The following FAT1 variants were observed in gnomAD, a reference collection of about 807,000 sequenced individuals.
FAT1 encodes protocadherin Fat 1.
A neutral mutation model predicts 329.8 loss-of-function variants in FAT1; 171 were observed. The observed-to-expected ratio is 0.52, with a 90% confidence interval of 0.46 to 0.59. The LOEUF (loss-of-function observed/expected upper bound fraction) is 0.59, where lower values mean the gene tolerates loss of function less well. FAT1 is among the 20% of genes least tolerant of loss of function. The pLI is 0.00. For synonymous variants in FAT1, 2,233 were observed against 2,228.6 expected (o/e 1.00, Z -0.06); for missense variants, 5,672 against 5,774.4 (o/e 0.98, Z 0.57).
rs377340093 is a variant in FAT1, at chr4:186,614,208, T to C, written c.9212A>G (p.Lys3071Arg). The C allele has an allele frequency of 1.2e-5, 19 of 1,600,444 alleles. No individual in the cohort carries two copies. The African/African-American group carries it at 1.9e-4, about 16-fold the overall frequency. Residue 3071 changes from lysine to arginine, a missense_variant, in exon 12 of 27, where the codon AAA becomes AGA. Physicochemically the swap from Lys to Arg is conservative, Grantham distance 26. Around this residue, in one of 2 missense-constraint regions of FAT1, gnomAD observed 3,966 missense variants for 3,915.2 expected, o/e 1.01. Coordinates refer to ENST00000441802, the MANE Select transcript of FAT1 (RefSeq NM_005245.4). ...ATCATTACCTGTGTCTGGATTTAGT[T>C]TGAATTTTTCTGCACCTGAACCCAA... is the stretch of plus-strand genomic sequence containing the variant. ...TLLGSGAEKF[K>R]LNPDTGELKT...
In FAT1 at chr4:186,708,878, A is replaced by C. The variant is rs1561010997; in HGVS notation, c.950T>G (p.Val317Gly). ...CCAATCAATGCCACCGATGGCTTTG[A>C]CTTTATACTCCTTACTCCCTGGAAA... Reference protein sequence around the residue: ...RSFPGSKEYKVKAIGGIDWDS... With the variant: ...RSFPGSKEYKGKAIGGIDWDS... The change falls in exon 2 of 27, where the codon GTC (valine) becomes GGC (glycine). Residue 317 changes from valine to glycine, a missense_variant. Transcript: ENST00000441802. 1.2e-6 allele frequency: 2 copies of C among 1,613,870 alleles called. No individual in the cohort carries two copies. The highest frequency in any genetic ancestry group is 1.7e-6 in the Non-Finnish European group (2 of 1,179,866).
intron 9 of FAT1, among the ~76,000 whole-genome samples, chr4:186,623,879 T>C (rs983162084): frequency 3.3e-5 from 5 of 152,166 alleles, no homozygotes; most frequent in Admixed American, 6.5e-5. Context: ...CTCTATTATC[T>C]GGGGCATCAT....
At chr4:186,713,425 C>T (rs995896783) in intron 1 of FAT1, among the ~76,000 whole-genome samples, 4 of 152,024 alleles carry the variant, frequency 2.6e-5, no homozygotes, top group East Asian at 1.9e-4. Context: ...CCGTAGCAAG[C>T]GGGTAAAATC....
chr4:186,644,783 G>C (rs1741278490), intron 3 of FAT1, among the ~76,000 whole-genome samples: 1 of 152,180 alleles, frequency 6.6e-6, no homozygotes, highest in African/African-American at 2.4e-5. Context: ...GAAGCAGATA[G>C]ACGTAAAAGT....
Position 186,709,796 on chromosome 4 carries a change from A to G in FAT1, c.32T>C (p.Leu11Pro), listed in dbSNP as rs2126706784. Residue 11 changes from leucine to proline, a missense_variant, in exon 2 of 27, where the codon CTG becomes CCG. Physicochemically the swap from Leu to Pro is moderately conservative, Grantham distance 98. Transcript: ENST00000441802. ...TCCAAAATGTTGGAAGAGAAGGAGCAGAAGCAGGAGCAAAGCCAAATGTCT... is the reference window on the plus strand; with the variant it reads ...TCCAAAATGTTGGAAGAGAAGGAGCGGAAGCAGGAGCAAAGCCAAATGTCT... MGRHLALLLL[L>P]LLLFQHFGDS... The G allele has an allele frequency of 1.9e-6, 3 of 1,608,524 alleles. No individual in the cohort carries two copies. Among genetic ancestry groups the G allele is most frequent in the Non-Finnish European group, 2.5e-6 (3 of 1,176,816 alleles).
At chr4:186,703,197 A>G (rs1253672395) in intron 2 of FAT1, among the ~76,000 whole-genome samples, 1 of 152,166 alleles carries the variant, frequency 6.6e-6, no homozygotes, top group Non-Finnish European at 1.5e-5. Flanking sequence ...CCACTCTGCC[A>G]CTACGCTTTC....
At position 186,600,166 on chromosome 4, in the gene FAT1, G is replaced by A. The variant is rs2126412899; in HGVS notation, c.11835C>T (p.Asn3945=). 1 of 1,614,026 alleles carries A rather than the reference G, an allele frequency of 6.2e-7. No homozygotes were observed. Among genetic ancestry groups the A allele is most frequent in the African/African-American group, 1.3e-5 (1 of 75,060 alleles). ...GTAPGTLKTL[N]LDNYVFFGGH... Reference sequence around the variant, plus strand: ...CACCAAAAAACACATAGTTATCCAGGTTCAGGGTTTTCAGAGTCCCTGGGG... The same window carrying A: ...CACCAAAAAACACATAGTTATCCAGATTCAGGGTTTTCAGAGTCCCTGGGG... The change falls in exon 22 of 27, where the codon AAC becomes AAT. Residue 3945 remains asparagine (N), a synonymous_variant. Transcript: ENST00000441802.
intron 1 of FAT1, among the ~76,000 whole-genome samples, chr4:186,718,917 T>A (rs903255485): frequency 1.3e-5 from 2 of 152,106 alleles, no homozygotes; most frequent in African/African-American, 4.8e-5. Flanking sequence ...CTTTTCTCAG[T>A]GCTCATCCTC....
At chr4:186,725,939 G>A (rs955665279), upstream of FAT1, among the ~76,000 whole-genome samples, 8 of 152,180 alleles carry the variant, frequency 5.3e-5, no homozygotes, top group African/African-American at 1.9e-4. The surrounding 1 kb of genome is among the most constrained non-coding windows in gnomAD (Gnocchi z 5.4). Context: ...CGCCCACGTC[G>A]CCGAGCGCCG....
At chr4:186,598,601 C>A (rs1738646875) in intron 22 of FAT1, 1 of 152,558 alleles carries the variant, frequency 6.6e-6, no homozygotes, top group African/African-American at 2.4e-5. Context: ...GCAATCTCAG[C>A]TCATTGCATC....
chr4:186,647,637 T>C (rs747409319), intron 3 of FAT1, among the ~76,000 whole-genome samples: 1 of 152,176 alleles, frequency 6.6e-6, no homozygotes, highest in Non-Finnish European at 1.5e-5. Context: ...GTATTAATCA[T>C]AGCATTATTC....
At chr4:186,698,560 T>C (rs1321402473) in intron 2 of FAT1, among the ~76,000 whole-genome samples, 3 of 152,306 alleles carry the variant, frequency 2.0e-5, no homozygotes, top group Non-Finnish European at 1.5e-5. Flanking sequence ...AAGAAAGCTT[T>C]ATTAAGTAGA....
At chr4:186,657,360 G>A (rs1224313700) in intron 3 of FAT1, among the ~76,000 whole-genome samples, 2 of 152,164 alleles carry the variant, frequency 1.3e-5, no homozygotes, top group Admixed American at 6.5e-5. Flanking sequence ...AAATAAACAT[G>A]CGAAGTATAA....
rs757409111 is a variant in FAT1 at position 186,611,631 on chromosome 4, T to C, written c.9608A>G (p.Asp3203Gly). Residue 3203 changes from aspartate (D) to glycine (G), a missense_variant, in exon 14 of 27, where the codon GAT (aspartate) becomes GGT (glycine). Asp to Gly is a moderately conservative substitution (Grantham distance 94). Around this residue, in one of 2 missense-constraint regions of FAT1, gnomAD observed 1,706 missense variants for 1,859.1 expected, o/e 0.92. Coordinates refer to ENST00000441802, the MANE Select transcript of FAT1 (RefSeq NM_005245.4). ...AGTCAGCCTCCTTGGCAAGCCTTGA[T>C]CCACAGCTTTCAAAGAGAGGGTGTA... ...AVYTLSLKAVDQGLPRRLTAT... is the reference protein window; with the variant it reads ...AVYTLSLKAVGQGLPRRLTAT... The C allele has an allele frequency of 1.2e-5, 20 of 1,613,498 alleles. No individual in the cohort carries two copies. In the South Asian group the frequency reaches 2.2e-4, roughly 18 times the overall value.
intron 2 of FAT1, among the ~76,000 whole-genome samples, chr4:186,669,349 G>C (rs527654784): frequency 9.8e-5 from 15 of 152,358 alleles, no homozygotes; most frequent in African/African-American, 3.4e-4. Context: ...CACGCAGTGA[G>C]AGCGGTCGTG....
intron 20 of FAT1, among the ~76,000 whole-genome samples, chr4:186,602,007 G>A (rs1480030194): frequency 6.6e-6 from 1 of 152,152 alleles, no homozygotes; most frequent in Non-Finnish European, 1.5e-5. Context: ...TTGATACTAA[G>A]AAACAAATAA....
At chr4:186,629,950 A>G (rs1276650177) in intron 7 of FAT1, among the ~76,000 whole-genome samples, 1 of 152,244 alleles carries the variant, frequency 6.6e-6, no homozygotes, top group Non-Finnish European at 1.5e-5. Context: ...CATTTCCACT[A>G]TAAATTTAAA....
Position 186,663,455 on chromosome 4 carries a change from GCT to G in FAT1, c.3422_3423del (p.Glu1141AlafsTer13). On this transcript the variant is annotated frameshift_variant, in exon 3 of 27. Coordinates refer to ENST00000441802, the MANE Select transcript of FAT1 (RefSeq NM_005245.4). LOFTEE classifies it high-confidence loss of function. ...DVNDNAPQTS[E>X]PVYYPEIMEN... ...TCCATGATTTCTGGGTAATAAACAG[GCT>G]CTGATGTCTGTGGTGCATTGTCATT... The G allele has an allele frequency of 6.2e-7, 1 of 1,614,022 alleles. No individual in the cohort carries two copies. Among genetic ancestry groups the G allele is most frequent in the East Asian group, 2.2e-5 (1 of 44,884 alleles).
rs189109520 is a variant in FAT1, at chr4:186,624,143, C to T, written c.4811-2368G>A. ...TGCACTGGTGCTGTTGAACGACTTC[C>T]TAAGGTGGCAGAAAAGGTCTGTACG... On this transcript the variant is annotated intron_variant, in intron 9 of 26. Transcript: ENST00000441802. 1.0e-3 allele frequency among the ~76,000 whole-genome samples: 151 copies of T among 148,888 alleles called. 1 individual carries two copies. The highest frequency in any genetic ancestry group is 3.5e-3 in the African/African-American group (144 of 40,622).
Sources: gnomAD v4.1 joint callset for allele counts (sites outside exome capture counted in the v4.1 genomes callset) on GRCh38, gnomAD v4.1.1 for gene constraint, gnomAD v4.1.1 regional missense constraint, Gnocchi (gnomAD v3.1) non-coding constraint, MANE v1.5 for transcripts, NCBI Gene and HGNC (gene_info 2026-07-23, HGNC 2026-07-21) for gene names.